The following NRG3 variants were observed in gnomAD, a reference collection of about 807,000 sequenced individuals.
The protein encoded by NRG3 is neuregulin 3.
A neutral mutation model predicts 66.9 loss-of-function variants in NRG3; 31 were observed. That is an observed-to-expected ratio of 0.46 (90% CI 0.35 to 0.63). The LOEUF is 0.63. Among genes scored for constraint, NRG3 ranks in the 20% least tolerant of loss-of-function variants. The probability of loss-of-function intolerance (pLI) is 0.00; values close to 1 mark genes in which losing one functional copy is unlikely to be tolerated. For synonymous variants in NRG3, 393 were observed against 359.4 expected (o/e 1.09, Z -1.06); for missense variants, 910 against 878.9 (o/e 1.04, Z -0.45).
intron 2 of NRG3, among the ~76,000 whole-genome samples, chr10:82,376,644 C>G (rs1036207072): frequency 6.6e-6 from 1 of 152,216 alleles, no homozygotes; most frequent in Non-Finnish European, 1.5e-5. Context: ...ACCACTAACA[C>G]CGCTTGTGGC....
At chr10:82,188,415 AG>A (rs776854474) in intron 1 of NRG3, among the ~76,000 whole-genome samples, 17 of 152,194 alleles carry the variant, frequency 1.1e-4, no homozygotes, top group South Asian at 4.1e-4. Context: ...TTTTTTGAGC[AG>A]TACCCCAGCA....
chr10:82,425,152 G>A (rs1436624448), intron 2 of NRG3, among the ~76,000 whole-genome samples: 2 of 152,006 alleles, frequency 1.3e-5, no homozygotes, highest in Non-Finnish European at 2.9e-5. Context: ...TACGAACTTA[G>A]GATTAACTTT....
At chr10:82,973,985 G>A in intron 7 of NRG3, 70 bp downstream of exon 7, 1 of 1,563,898 alleles carries the variant, frequency 6.4e-7, no homozygotes, top group Non-Finnish European at 8.8e-7. Flanking sequence ...CACATGCCAA[G>A]GACTGGCAGC....
At chr10:81,928,322 T>C (rs1361925242) in intron 1 of NRG3, among the ~76,000 whole-genome samples, 1 of 152,162 alleles carries the variant, frequency 6.6e-6, no homozygotes, top group African/African-American at 2.4e-5. Flanking sequence ...GGGATTCTGA[T>C]TGAAAGAGTC....
At chr10:82,194,093 G>T (rs1394781208) in intron 1 of NRG3, among the ~76,000 whole-genome samples, 1 of 152,168 alleles carries the variant, frequency 6.6e-6, no homozygotes, top group African/African-American at 2.4e-5. Context: ...TTAACGATGT[G>T]AAATTTTACT....
intron 2 of NRG3, among the ~76,000 whole-genome samples, chr10:82,605,067 C>A (rs562930513): frequency 1.2e-4 from 19 of 152,074 alleles, no homozygotes; most frequent in African/African-American, 3.9e-4. Context: ...TAACTAGGAC[C>A]AGTACATTGT....
chr10:82,296,496 A>C (rs2080071582), intron 1 of NRG3, among the ~76,000 whole-genome samples: 1 of 152,136 alleles, frequency 6.6e-6, no homozygotes, highest in African/African-American at 2.4e-5. Flanking sequence ...ATTGGAGGAT[A>C]AATTTGCTTA....
At chr10:82,163,094 G>A (rs1228508793) in intron 1 of NRG3, among the ~76,000 whole-genome samples, 1 of 152,034 alleles carries the variant, frequency 6.6e-6, no homozygotes, top group Admixed American at 6.6e-5. Context: ...AGGCCACTTT[G>A]CTCTCCCTGG....
At chr10:82,057,946 C>T (rs905246452) in intron 1 of NRG3, among the ~76,000 whole-genome samples, 3 of 149,792 alleles carry the variant, frequency 2.0e-5, no homozygotes, top group African/African-American at 7.4e-5. Flanking sequence ...CTTGCTTACT[C>T]ATGTGGATTC....
At chr10:82,617,066 G>A (rs1044293548) in intron 2 of NRG3, among the ~76,000 whole-genome samples, 1 of 152,108 alleles carries the variant, frequency 6.6e-6, no homozygotes, top group Non-Finnish European at 1.5e-5. Flanking sequence ...ATTGGTTGAG[G>A]AGAATCCTTT....
intron 1 of NRG3, among the ~76,000 whole-genome samples, chr10:81,883,852 A>G (rs1842390606): frequency 1.3e-5 from 2 of 152,192 alleles, no homozygotes; most frequent in Non-Finnish European, 2.9e-5. Flanking sequence ...TACTTTTAGT[A>G]ATGTAGAAGG....
At chr10:82,293,954 C>CCT (rs1447399972) in intron 1 of NRG3, among the ~76,000 whole-genome samples, 1 of 151,696 alleles carries the variant, frequency 6.6e-6, no homozygotes, top group East Asian at 1.9e-4. Flanking sequence ...ATCTTGACTT[C>CCT]CTCTCTCTTG....
chr10:82,916,303 T>A (rs1364218690), intron 4 of NRG3, among the ~76,000 whole-genome samples: 1 of 152,118 alleles, frequency 6.6e-6, no homozygotes, highest in East Asian at 1.9e-4. Context: ...ATAAAATAAA[T>A]TAGCTTGGCA....
intron 3 of NRG3, among the ~76,000 whole-genome samples, chr10:82,771,291 A>G (rs1249224768): frequency 6.6e-6 from 1 of 152,212 alleles, no homozygotes; most frequent in East Asian, 1.9e-4. Context: ...CATATGAATG[A>G]AGTATTCTTT....
chr10:82,179,430 T>A (rs1424837863), intron 1 of NRG3, among the ~76,000 whole-genome samples: 1 of 152,036 alleles, frequency 6.6e-6, no homozygotes, highest in African/African-American at 2.4e-5. Context: ...TTATATATGC[T>A]GCAATATATG....
intron 1 of NRG3, among the ~76,000 whole-genome samples, chr10:81,963,474 A>T (rs1161349504): frequency 6.6e-6 from 1 of 152,166 alleles, no homozygotes; most frequent in African/African-American, 2.4e-5. Flanking sequence ...TGTTCTTTGT[A>T]TGCAGCTGTT....
chr10:82,934,520 T>C (rs1373586358), intron 4 of NRG3, among the ~76,000 whole-genome samples: 1 of 152,208 alleles, frequency 6.6e-6, no homozygotes. Flanking sequence ...TGAACTATGA[T>C]TGTTCTTATC....
intron 2 of NRG3, among the ~76,000 whole-genome samples, chr10:82,483,464 G>C (rs567715768): frequency 6.6e-6 from 1 of 152,284 alleles, no homozygotes; most frequent in South Asian, 2.1e-4. Context: ...GGTAATTCTT[G>C]TATGTTTTCA....
At chr10:82,482,363 T>C (rs1842343885) in intron 2 of NRG3, among the ~76,000 whole-genome samples, 1 of 152,192 alleles carries the variant, frequency 6.6e-6, no homozygotes, top group Admixed American at 6.5e-5. Flanking sequence ...ACTGAACCCA[T>C]CTACTGCAAA....
Sources: allele counts gnomAD v4.1 joint callset (sites outside exome capture counted in the v4.1 genomes callset), GRCh38; gene constraint gnomAD v4.1.1; transcripts MANE v1.5; gene names NCBI Gene and HGNC (gene_info 2026-07-23, HGNC 2026-07-21).